Variants in HACL2 observed in about 807,000 individuals in gnomAD.
HACL2 encodes 2-hydroxyacyl-CoA lyase 1 like.
At chr19:15,122,875 C>T in the HACL2 span, 1 of 1,611,982 alleles carries the variant, frequency 6.2e-7, no homozygotes, top group Non-Finnish European at 8.5e-7. This position sits in a 1 kb window ranked among gnomAD's most constrained non-coding sequence, Gnocchi z 4.0. Flanking sequence ...TGCTCAGCAT[C>T]ACCATCCTCC....
At chr19:15,115,982 C>T in the HACL2 span, 14 of 1,614,122 alleles carry the variant, frequency 8.7e-6, no homozygotes, top group Middle Eastern at 1.6e-4. Context: ...CAGCAAGTCT[C>T]CCAACTCCAG....
the HACL2 span, chr19:15,119,571 GAC>G: frequency 1.9e-5 from 28 of 1,462,582 alleles, no homozygotes; most frequent in Non-Finnish European, 2.3e-5. Context: ...ATTTTTTTGA[GAC>G]ACAGTTTCAC....
At chr19:15,115,145 C>T in the HACL2 span, 1 of 1,315,112 alleles carries the variant, frequency 7.6e-7, no homozygotes, top group African/African-American at 1.4e-5. Context: ...GTTGTGGAGT[C>T]ACTGGGCCTC....
the HACL2 span, chr19:15,117,694 A>G: frequency 6.8e-5 from 39 of 577,522 alleles, no homozygotes; most frequent in Non-Finnish European, 1.0e-4. Flanking sequence ...AATAAAAATA[A>G]AAAAAATTTA....
the HACL2 span, chr19:15,117,839 T>C: frequency 3.0e-5 from 49 of 1,609,948 alleles, no homozygotes; most frequent in Admixed American, 8.0e-4. Flanking sequence ...GGAGAGGGAC[T>C]GGGAGGAGCA....
the HACL2 span, chr19:15,117,117 G>C: frequency 6.4e-6 from 1 of 157,450 alleles, no homozygotes; most frequent in Non-Finnish European, 1.4e-5. Context: ...CAACACAGAT[G>C]CAACGGTGCT....
At chr19:15,123,883 G>A in the HACL2 span, 1 of 432,542 alleles carries the variant, frequency 2.3e-6, no homozygotes, top group Non-Finnish European at 4.2e-6. This position sits in a 1 kb window ranked among gnomAD's most constrained non-coding sequence, Gnocchi z 5.1. Context: ...CTGTCTCCAG[G>A]ATGGCAGGGC....
At chr19:15,125,159 C>T in the HACL2 span, 1 of 1,276,136 alleles carries the variant, frequency 7.8e-7, no homozygotes, top group Non-Finnish European at 1.1e-6. Context: ...GGATCCAGGG[C>T]CACGACCCTT....
At chr19:15,123,082 C>T in the HACL2 span, 13 of 1,611,782 alleles carry the variant, frequency 8.1e-6, no homozygotes, top group South Asian at 7.7e-5. This position sits in a 1 kb window ranked among gnomAD's most constrained non-coding sequence, Gnocchi z 5.1. Flanking sequence ...TTCAAGCCCC[C>T]CTAGGCCCCC....
At chr19:15,122,012 C>T in the HACL2 span, among the ~76,000 whole-genome samples, 14 of 150,660 alleles carry the variant, frequency 9.3e-5, no homozygotes, top group Non-Finnish European at 1.8e-4. The surrounding 1 kb of genome is among the most constrained non-coding windows in gnomAD (Gnocchi z 4.0). Flanking sequence ...ATTCTCCTGC[C>T]GCAGCCTCCC....
At chr19:15,115,229 C>G in the HACL2 span, 1 of 1,613,870 alleles carries the variant, frequency 6.2e-7, no homozygotes, top group Non-Finnish European at 8.5e-7. Flanking sequence ...GGAAGGCAGC[C>G]AAGCGTCCTG....
the HACL2 span, among the ~76,000 whole-genome samples, chr19:15,118,965 G>A: frequency 6.6e-6 from 1 of 152,232 alleles, no homozygotes; most frequent in African/African-American, 2.4e-5. Flanking sequence ...TTTAGCCATT[G>A]AGTTTGGGGA....
the HACL2 span, among the ~76,000 whole-genome samples, chr19:15,122,315 T>A: frequency 2.6e-5 from 4 of 151,386 alleles, no homozygotes; most frequent in Non-Finnish European, 4.4e-5. The surrounding 1 kb of genome is among the most constrained non-coding windows in gnomAD (Gnocchi z 4.0). Flanking sequence ...TCAAGGATCA[T>A]CCTTTAGGAG....
At chr19:15,117,243 T>TA in the HACL2 span, 1 of 153,126 alleles carries the variant, frequency 6.5e-6, no homozygotes, top group African/African-American at 2.4e-5. Flanking sequence ...AGGGGAGAGA[T>TA]ACGGCAGGAA....
the HACL2 span, chr19:15,117,799 G>T: frequency 2.6e-6 from 4 of 1,557,198 alleles, no homozygotes; most frequent in Non-Finnish European, 3.5e-6. Context: ...CACTGTACCA[G>T]GCTCAAGCCA....
chr19:15,123,514 A>G, the HACL2 span: 1 of 1,613,914 alleles, frequency 6.2e-7, no homozygotes, highest in Non-Finnish European at 8.5e-7. The surrounding 1 kb of genome is among the most constrained non-coding windows in gnomAD (Gnocchi z 5.1). Flanking sequence ...TGAACCGCAC[A>G]CCATGGGCCC....
At chr19:15,122,048 C>T in the HACL2 span, among the ~76,000 whole-genome samples, 2 of 142,888 alleles carry the variant, frequency 1.4e-5, no homozygotes. This position sits in a 1 kb window ranked among gnomAD's most constrained non-coding sequence, Gnocchi z 4.0. Flanking sequence ...CAGGCGCCCG[C>T]CACCACGCCC....
the HACL2 span, chr19:15,119,324 A>G: frequency 1.9e-6 from 3 of 1,602,722 alleles, no homozygotes; most frequent in Non-Finnish European, 2.6e-6. Flanking sequence ...GGCAGAGCAG[A>G]GGTCAGTGTG....
the HACL2 span, chr19:15,117,213 A>G: frequency 6.5e-6 from 1 of 153,548 alleles, no homozygotes; most frequent in Non-Finnish European, 1.4e-5. Context: ...GTTCAAGTCC[A>G]AGGGGACTAA....
Sources: allele counts gnomAD v4.1 joint callset (sites outside exome capture counted in the v4.1 genomes callset), GRCh38; gene constraint gnomAD v4.1.1; non-coding constraint Gnocchi (gnomAD v3.1); transcripts MANE v1.5; gene names NCBI Gene and HGNC (gene_info 2026-07-23, HGNC 2026-07-21).